Variants in UBOX5 observed in about 807,000 individuals in gnomAD.
UBOX5 encodes the protein U-box domain containing 5, also known as RING finger protein 37.
Under a neutral mutation model 39.0 loss-of-function variants are expected in UBOX5, and 28 were observed. The ratio of observed to expected loss-of-function variants is 0.72; its 90% CI spans 0.53 to 0.98. UBOX5 has a LOEUF of 0.98. UBOX5 is among the 50% of genes least tolerant of loss of function. The pLI, the probability that UBOX5 is intolerant of heterozygous loss-of-function variation, is 0.00. For synonymous variants in UBOX5, 283 were observed against 275.5 expected (o/e 1.03, Z -0.27); for missense variants, 585 against 674.4 (o/e 0.87, Z 1.47).
At chr20:3,116,375 G>T (rs2066293906) in intron 3 of UBOX5, 1 of 152,338 alleles carries the variant, frequency 6.6e-6, no homozygotes, top group Admixed American at 6.5e-5. Context: ...GAGGGTGAAG[G>T]CCAAAGGGGT....
intron 1 of UBOX5, among the ~76,000 whole-genome samples, chr20:3,152,480 C>T (rs538205891): frequency 4.0e-5 from 6 of 151,796 alleles, no homozygotes; most frequent in South Asian, 2.1e-4. Context: ...GCAGCCCGGG[C>T]GATAGTGCAA....
chr20:3,118,598 G>A (rs773339982), intron 3 of UBOX5, among the ~76,000 whole-genome samples: 15 of 152,018 alleles, frequency 9.9e-5, no homozygotes, highest in South Asian at 4.2e-4. Context: ...GTGAAACCCC[G>A]TCTCTACTAA....
In UBOX5 at chr20:3,152,394, C is replaced by T. The variant is rs567436301; in HGVS notation, c.-42+7372G>A. ...TGGGGCACCTGCAATCCCAGCTACT[C>T]GGGAGGCTGAGGCGGGAGAATCACT... is the stretch of plus-strand genomic sequence containing the variant. On this transcript the variant is annotated intron_variant, in intron 1 of 4. Coordinates refer to ENST00000217173, the MANE Select transcript of UBOX5 (RefSeq NM_014948.4). 4.0e-5 allele frequency among the ~76,000 whole-genome samples: 6 copies of T among 151,728 alleles called. No individual in the cohort carries two copies. In the East Asian group the frequency reaches 1.2e-3, roughly 30 times the overall value.
In UBOX5 at chr20:3,115,346, G is replaced by A. The variant is rs764124964; in HGVS notation, c.1376C>T (p.Thr459Ile). The change falls in exon 4 of 5, where the codon ACA becomes ATA. Residue 459 changes from threonine (T) to isoleucine (I), a missense_variant. Transcript: ENST00000217173. ...CCTCCAGGAAGTGTTGCTCCCTCTT[G>A]TGCCAAGGTGCTGGAGCTGTCCCCT... ...LTRGQLQHLG[T>I]RGSNTSWRPG... 4.3e-6 allele frequency: 7 copies of A among 1,613,902 alleles called. No individual in the cohort carries two copies. Among genetic ancestry groups the A allele is most frequent in the South Asian group, 1.1e-5 (1 of 91,066 alleles).
chr20:3,146,743 T>C (rs942126274), intron 1 of UBOX5: 45 of 1,595,082 alleles, frequency 2.8e-5, no homozygotes, highest in African/African-American at 8.1e-5. Flanking sequence ...TATACACCTA[T>C]AGCTTTGCCA....
Position 3,149,163 on chromosome 20 carries a change from CT to C in UBOX5, c.-42+10602del. 5.7e-6 allele frequency: 8 copies of C among 1,413,144 alleles called. No individual in the cohort carries two copies. The highest frequency in any genetic ancestry group is 7.7e-6 in the Non-Finnish European group (8 of 1,044,170). The allele number at this position is 1,413,144 out of a possible 1,614,324, so 87.5% of individuals were successfully genotyped here. A position where few individuals can be genotyped will look rare whatever the true frequency, so the allele number is the denominator to read the frequency against. ...TTGTTTATATGGTGCTTGATTAGAG[CT>C]GGACGGGGAGGTGTTCCACAAAAAC... On this transcript the variant is annotated intron_variant, in intron 1 of 4. Coordinates refer to ENST00000217173, the MANE Select transcript of UBOX5 (RefSeq NM_014948.4). This position sits in a 1 kb window ranked among gnomAD's most constrained non-coding sequence, Gnocchi z 4.1.
At chr20:3,155,066 AAAAAAAGAAAAG>A (rs2066670287) in intron 1 of UBOX5, among the ~76,000 whole-genome samples, 2 of 148,016 alleles carry the variant, frequency 1.4e-5, no homozygotes, top group Non-Finnish European at 1.5e-5. Flanking sequence ...AAAAAAAAAA[AAAAAAAGAAAAG>A]AAAAGAAAAG....
chr20:3,118,606 T>G (rs1192853085), intron 3 of UBOX5, among the ~76,000 whole-genome samples: 2 of 151,812 alleles, frequency 1.3e-5, no homozygotes, highest in Non-Finnish European at 2.9e-5. Context: ...CCGTCTCTAC[T>G]AAAAGTATTA....
At chr20:3,152,903 CAAA>C in intron 1 of UBOX5, among the ~76,000 whole-genome samples, 1 of 118,010 alleles carries the variant, frequency 8.5e-6, no homozygotes. Context: ...AAGACTGTCT[CAAA>C]AAAAAAAAAA....
At chr20:3,152,797 T>G (rs1330346089) in intron 1 of UBOX5, among the ~76,000 whole-genome samples, 1 of 151,700 alleles carries the variant, frequency 6.6e-6, no homozygotes. Context: ...TCCCAGCTAC[T>G]TGAGAGGCTG....
intron 1 of UBOX5, among the ~76,000 whole-genome samples, chr20:3,125,260 G>GGCA (rs2066373005): frequency 1.4e-5 from 2 of 146,622 alleles, no homozygotes; most frequent in South Asian, 2.2e-4. Context: ...GCCTCTGCCC[G>GGCA]GCTGCCCCGT....
At chr20:3,117,020 C>G (rs763204927) in intron 3 of UBOX5, among the ~76,000 whole-genome samples, 11 of 151,800 alleles carry the variant, frequency 7.2e-5, no homozygotes, top group Admixed American at 2.6e-4. Flanking sequence ...CGCTTGAACT[C>G]AGGAGGCAGA....
chr20:3,130,183 G>C (rs2148603201), intron 1 of UBOX5, among the ~76,000 whole-genome samples: 1 of 151,830 alleles, frequency 6.6e-6, no homozygotes, highest in South Asian at 2.1e-4. Flanking sequence ...TCACACCACT[G>C]TACTCCATCC....
chr20:3,128,761 G>C (rs2422852), intron 1 of UBOX5, among the ~76,000 whole-genome samples: 79,092 of 152,046 alleles, frequency 0.52, 21,418 homozygotes, highest in East Asian at 0.96. Context: ...TACTTGGGAG[G>C]CGGAGGCAAG....
At chr20:3,118,310 TA>T (rs2066309132) in intron 3 of UBOX5, among the ~76,000 whole-genome samples, 1 of 151,590 alleles carries the variant, frequency 6.6e-6, no homozygotes, top group African/African-American at 2.4e-5. Context: ...CAGTCTATAC[TA>T]AAAATACAAA....
rs369779834 is a variant in UBOX5, at chr20:3,115,459, C to T, written c.1263G>A (p.Leu421=). Residue 421 remains leucine, a synonymous_variant, in exon 4 of 5, where the codon CTG becomes CTA. Coordinates refer to ENST00000217173, the MANE Select transcript of UBOX5 (RefSeq NM_014948.4). The part of the protein sequence containing the change: ...LTHMDCSTGP[L]SHEQKLSQSL... The stretch of plus-strand genomic sequence containing the variant: ...TTTGTGACAGCTTCTGCTCGTGGGA[C>T]AGTGGACCTGTCGAGAGATGCGCAC... 5 of 1,612,520 alleles carry T rather than the reference C, an allele frequency of 3.1e-6. No homozygotes were observed. The highest frequency in any genetic ancestry group is 4.2e-6 in the Non-Finnish European group (5 of 1,179,278).
chr20:3,152,342 G>A (rs1038154906), intron 1 of UBOX5, among the ~76,000 whole-genome samples: 4 of 151,752 alleles, frequency 2.6e-5, no homozygotes, highest in Non-Finnish European at 4.4e-5. Context: ...TTAGCCAGGC[G>A]TGGTGGTGGG....
At chr20:3,153,248 T>G (rs576067782) in intron 1 of UBOX5, among the ~76,000 whole-genome samples, 2 of 152,382 alleles carry the variant, frequency 1.3e-5, no homozygotes, top group Admixed American at 6.5e-5. Context: ...CATCAATGTT[T>G]GGTGCAGCTC....
chr20:3,131,082 A>G (rs2066425783), intron 1 of UBOX5, among the ~76,000 whole-genome samples: 1 of 152,108 alleles, frequency 6.6e-6, no homozygotes, highest in Non-Finnish European at 1.5e-5. Context: ...TACAAAAATT[A>G]TCCAGGCATG....
Sources: allele counts gnomAD v4.1 joint callset (sites outside exome capture counted in the v4.1 genomes callset), GRCh38; gene constraint gnomAD v4.1.1; non-coding constraint Gnocchi (gnomAD v3.1); transcripts MANE v1.5; gene names NCBI Gene and HGNC (gene_info 2026-07-23, HGNC 2026-07-21).